Variants in TXN observed in about 807,000 individuals in gnomAD.
The protein encoded by TXN is thioredoxin.
A neutral mutation model predicts 16.5 loss-of-function variants in TXN; 10 were observed. The observed-to-expected ratio is 0.61, with a 90% CI of 0.37 to 1.03. The LOEUF (loss-of-function observed/expected upper bound fraction) is 1.03. Ranked by LOEUF, TXN falls within the 50% of genes least tolerant of loss-of-function variation. The probability of loss-of-function intolerance (pLI) is 0.01; values close to 1 mark genes in which losing one functional copy is unlikely to be tolerated. For synonymous variants in TXN, 35 were observed against 39.4 expected, an observed-to-expected ratio of 0.89 and a Z score of 0.42; for missense variants, 71 against 122.5, an observed-to-expected ratio of 0.58 and a Z score of 1.98.
At chr9:110,245,045 A>ATTTATTAATTTTTACTTCCTT (rs770828562) in intron 3 of TXN, 11 of 385,954 alleles carry the variant, frequency 2.9e-5, no homozygotes, top group Middle Eastern at 3.5e-4. Context: ...TCAATGAAGA[A>ATTTATTAATTTTTACTTCCTT]GTTTTATTAA....
intron 4 of TXN, 27 bp downstream of exon 4, chr9:110,244,751 A>G (rs774651259): frequency 2.1e-5 from 34 of 1,592,604 alleles, no homozygotes; most frequent in Non-Finnish European, 2.8e-5. Flanking sequence ...TTGCCCAGTT[A>G]GAGTTTTAAA....
At chr9:110,246,253 G>A (rs192907804) in intron 3 of TXN, among the ~76,000 whole-genome samples, 28 of 152,106 alleles carry the variant, frequency 1.8e-4, no homozygotes, top group South Asian at 6.2e-4. Flanking sequence ...TCCTAACATC[G>A]CAAATTGGGC....
chr9:110,249,713 C>A (rs564060412), intron 3 of TXN, among the ~76,000 whole-genome samples: 1 of 152,272 alleles, frequency 6.6e-6, no homozygotes, highest in East Asian at 1.9e-4. Context: ...GTTGCGCCCT[C>A]CCATGTTTAG....
intron 3 of TXN, among the ~76,000 whole-genome samples, chr9:110,249,005 G>A (rs1837691523): frequency 6.6e-6 from 1 of 151,570 alleles, no homozygotes; most frequent in Non-Finnish European, 1.5e-5. Context: ...GTGCATGCCT[G>A]TAATCCCAGC....
intron 1 of TXN, among the ~76,000 whole-genome samples, chr9:110,252,379 G>A (rs551369896): frequency 5.3e-5 from 8 of 152,192 alleles, no homozygotes; most frequent in African/African-American, 1.9e-4. Flanking sequence ...GCATAATGGG[G>A]TTTCCAGAGC....
At chr9:110,250,971 AG>A in intron 2 of TXN, 92 bp from the exon 3 acceptor site, 1 of 905,282 alleles carries the variant, frequency 1.1e-6, no homozygotes, top group East Asian at 2.5e-5. Context: ...ACTTAATAAA[AG>A]TAGAGACTAA....
intron 3 of TXN, 105 bp from the exon 4 acceptor site, chr9:110,244,948 C>A (rs1418620105): frequency 9.2e-6 from 7 of 758,722 alleles, no homozygotes; most frequent in Admixed American, 2.1e-5. Flanking sequence ...TCATGTACCC[C>A]ACATTTCCGC....
intron 3 of TXN, among the ~76,000 whole-genome samples, chr9:110,245,645 T>C (rs1837644617): frequency 3.0e-5 from 1 of 33,474 alleles, no homozygotes. Flanking sequence ...TATATATATA[T>C]ATATATATAT....
At chr9:110,245,665 T>G in intron 3 of TXN, among the ~76,000 whole-genome samples, 1 of 120,280 alleles carries the variant, frequency 8.3e-6, no homozygotes, top group African/African-American at 3.2e-5. Flanking sequence ...TTTTTTTTTT[T>G]TTTTTTTTAT....
chr9:110,256,347 C>A lies in TXN; in HGVS notation c.24+65G>T. 6.4e-7 allele frequency: 1 copy of A among 1,553,364 alleles called. No individual in the cohort carries two copies. Among genetic ancestry groups the A allele is most frequent in the South Asian group, 1.2e-5 (1 of 86,106 alleles). ...CACCGCCTTCCCCACCTCCCGCCACCGCCTTCCCCAGTTACAGAGGCCGCG... is the reference window on the plus strand; with the variant it reads ...CACCGCCTTCCCCACCTCCCGCCACAGCCTTCCCCAGTTACAGAGGCCGCG... On this transcript the variant is annotated intron_variant, in intron 1 of 4. Transcript: ENST00000374517. This position sits in a 1 kb window ranked among gnomAD's most constrained non-coding sequence, Gnocchi z 4.2.
At position 110,244,107 on chromosome 9, in the gene TXN, A is replaced by G. The variant is rs191324292; in HGVS notation, c.*50T>C. On this transcript the variant is annotated 3_prime_UTR_variant, in exon 5 of 5. Coordinates refer to ENST00000374517, the MANE Select transcript of TXN (RefSeq NM_003329.4). ...TTTTATATTTTTGTAAATTAAAAAA[A>G]TTACAAGTTTTAAATAGCCAATGGC... is the stretch of plus-strand genomic sequence containing the variant. 2 of 1,214,752 alleles carry G rather than the reference A, an allele frequency of 1.6e-6. No homozygotes were observed. The highest frequency in any genetic ancestry group is 5.5e-5 in the Admixed American group (2 of 36,506). 75.2% of individuals were successfully genotyped at this position (1,214,752 alleles called of 1,614,324 possible).
intron 1 of TXN, among the ~76,000 whole-genome samples, chr9:110,252,624 T>C (rs1482771937): frequency 6.6e-6 from 1 of 152,174 alleles, no homozygotes; most frequent in East Asian, 1.9e-4. Flanking sequence ...AACCGAATAT[T>C]CTAGTTACCA....
chr9:110,245,618 C>CACACACACTATATATATA (rs1425530609), intron 3 of TXN, among the ~76,000 whole-genome samples: 3 of 30,892 alleles, frequency 9.7e-5, no homozygotes, highest in African/African-American at 1.4e-4. Context: ...CACACACACA[C>CACACACACTATATATATA]TATATATATA....
At chr9:110,252,816 T>C (rs1390444949) in intron 1 of TXN, among the ~76,000 whole-genome samples, 2 of 152,170 alleles carry the variant, frequency 1.3e-5, no homozygotes, top group African/African-American at 4.8e-5. Flanking sequence ...AGCTAATTTT[T>C]GTATTTTTAG....
intron 3 of TXN, among the ~76,000 whole-genome samples, chr9:110,246,492 T>C (rs1837662387): frequency 6.6e-6 from 1 of 151,976 alleles, no homozygotes; most frequent in African/African-American, 2.4e-5. Context: ...AGATTGAAAA[T>C]GTCAGCCAGG....
rs1200879922 is a variant in TXN at position 110,256,375 on chromosome 9, C to T, written c.24+37G>A. The T allele has an allele frequency of 1.3e-6, 2 of 1,596,802 alleles. No homozygotes were observed. The highest frequency in any genetic ancestry group is 1.7e-5 in the Admixed American group (1 of 57,894). On this transcript the variant is annotated intron_variant, in intron 1 of 4. Coordinates refer to ENST00000374517, the MANE Select transcript of TXN (RefSeq NM_003329.4). This position sits in a 1 kb window ranked among gnomAD's most constrained non-coding sequence, Gnocchi z 4.2. Reference sequence around the variant, plus strand: ...CTTCCCCAGTTACAGAGGCCGCGCGCGGCGCCGGCACCCTGGCCTTCCCCG... The same window carrying T: ...CTTCCCCAGTTACAGAGGCCGCGCGTGGCGCCGGCACCCTGGCCTTCCCCG...
At position 110,244,107 on chromosome 9, in the gene TXN, A is replaced by T. The variant is rs191324292; in HGVS notation, c.*50T>A. ...TTTTATATTTTTGTAAATTAAAAAAATTACAAGTTTTAAATAGCCAATGGC... is the reference window on the plus strand; with the variant it reads ...TTTTATATTTTTGTAAATTAAAAAATTTACAAGTTTTAAATAGCCAATGGC... On this transcript the variant is annotated 3_prime_UTR_variant, in exon 5 of 5. Coordinates refer to ENST00000374517, the MANE Select transcript of TXN (RefSeq NM_003329.4). 381 of 1,214,748 alleles carry T rather than the reference A, an allele frequency of 3.1e-4. 1 individual carries two copies. The African/African-American group carries it at 4.6e-3, about 15-fold the overall frequency. 75.2% of individuals were successfully genotyped at this position (1,214,748 alleles called of 1,614,324 possible).
intron 3 of TXN, 128 bp downstream of exon 3, chr9:110,250,692 T>C (rs991739611): frequency 1.3e-6 from 1 of 790,992 alleles, no homozygotes; most frequent in Non-Finnish European, 2.1e-6. Context: ...TCTTCTGAGA[T>C]AGAACTTTTT....
At chr9:110,252,008 T>C (rs1837745086) in intron 1 of TXN, among the ~76,000 whole-genome samples, 1 of 151,868 alleles carries the variant, frequency 6.6e-6, no homozygotes, top group Non-Finnish European at 1.5e-5. Flanking sequence ...GGCGGATCAC[T>C]AGGTCAGGAG....
Sources: allele counts gnomAD v4.1 joint callset (sites outside exome capture counted in the v4.1 genomes callset), GRCh38; gene constraint gnomAD v4.1.1; non-coding constraint Gnocchi (gnomAD v3.1); transcripts MANE v1.5; gene names NCBI Gene and HGNC (gene_info 2026-07-23, HGNC 2026-07-21).